RPS6KC1: variants seen among roughly 807,000 people sequenced by gnomAD.
RPS6KC1 encodes the protein ribosomal protein S6 kinase C1.
RPS6KC1 carries 54 observed loss-of-function variants against 103.8 expected under a neutral mutation model. The ratio of observed to expected loss-of-function variants is 0.52; its 90% CI spans 0.42 to 0.65. The LOEUF (loss-of-function observed/expected upper bound fraction) is 0.65. Among genes scored for constraint, RPS6KC1 ranks in the 30% least tolerant of loss-of-function variants. The probability of loss-of-function intolerance (pLI) is 0.00; values close to 1 mark genes in which losing one functional copy is unlikely to be tolerated. For missense variants in RPS6KC1, 1,151 were observed against 1,253.8 expected (o/e 0.92, Z 1.24); for synonymous variants, 439 against 438.7 (o/e 1.00, Z -0.01).
intron 6 of RPS6KC1, among the ~76,000 whole-genome samples, chr1:213,151,999 T>C (rs1296522273): frequency 9.4e-4 from 76 of 80,638 alleles, no homozygotes; most frequent in African/African-American, 1.6e-3. Context: ...CCAGTAGGGG[T>C]GGCCGGGCAG....
At chr1:213,638,646 T>C in the RPS6KC1 span, among the ~76,000 whole-genome samples, 1 of 152,168 alleles carries the variant, frequency 6.6e-6, no homozygotes, top group Non-Finnish European at 1.5e-5. Flanking sequence ...TTTTGCACTT[T>C]TGTCACATAT....
chr1:213,130,391 T>C (rs555408242), intron 6 of RPS6KC1, among the ~76,000 whole-genome samples: 3 of 152,346 alleles, frequency 2.0e-5, no homozygotes, highest in African/African-American at 7.2e-5. Flanking sequence ...TGACTGTAAC[T>C]GAATGTCTGT....
the RPS6KC1 span, among the ~76,000 whole-genome samples, chr1:213,660,205 A>G: frequency 2.3e-4 from 35 of 152,220 alleles, no homozygotes; most frequent in Non-Finnish European, 4.8e-4. Flanking sequence ...GGACATGTTT[A>G]GATAATTCTT....
chr1:213,110,041 T>G (rs747498897), intron 4 of RPS6KC1, among the ~76,000 whole-genome samples: 1 of 152,212 alleles, frequency 6.6e-6, no homozygotes, highest in Non-Finnish European at 1.5e-5. Flanking sequence ...ATGGCTGTTA[T>G]GAAAAATGCT....
the RPS6KC1 span, among the ~76,000 whole-genome samples, chr1:213,719,215 C>T: frequency 2.6e-5 from 4 of 152,200 alleles, no homozygotes; most frequent in East Asian, 1.9e-4. Context: ...TTCAATTCAA[C>T]AATGAAACGT....
the RPS6KC1 span, among the ~76,000 whole-genome samples, chr1:213,293,182 A>T: frequency 0.017 from 2,517 of 152,272 alleles, 30 homozygotes; most frequent in Non-Finnish European, 0.025. Flanking sequence ...TTTCTTCTGA[A>T]TTTCTGTGTT....
the RPS6KC1 span, among the ~76,000 whole-genome samples, chr1:213,692,382 C>G: frequency 1.6e-4 from 18 of 111,140 alleles, no homozygotes; most frequent in Middle Eastern, 4.5e-3. Context: ...GAGTGAGACT[C>G]TGTCTCAAAA....
chr1:213,145,248 G>C (rs570357108), intron 6 of RPS6KC1, among the ~76,000 whole-genome samples: 1 of 152,258 alleles, frequency 6.6e-6, no homozygotes, highest in African/African-American at 2.4e-5. Context: ...GTCCCAGATT[G>C]CTGTCTTGAA....
At chr1:213,382,479 G>A in the RPS6KC1 span, among the ~76,000 whole-genome samples, 3 of 150,120 alleles carry the variant, frequency 2.0e-5, no homozygotes, top group Non-Finnish European at 3.0e-5. Context: ...GCTCATGAAA[G>A]TAATATTTCT....
At chr1:213,440,472 T>A in the RPS6KC1 span, among the ~76,000 whole-genome samples, 1 of 151,754 alleles carries the variant, frequency 6.6e-6, no homozygotes, top group African/African-American at 2.4e-5. Context: ...TGCAAAATGT[T>A]AATATAAACA....
chr1:213,618,152 GT>G, the RPS6KC1 span, among the ~76,000 whole-genome samples: 1 of 151,978 alleles, frequency 6.6e-6, no homozygotes, highest in African/African-American at 2.4e-5. Context: ...CTTCCAAAAG[GT>G]GTTTCTTTAT....
intron 12 of RPS6KC1, among the ~76,000 whole-genome samples, chr1:213,255,500 T>C (rs1391867063): frequency 6.6e-6 from 1 of 152,192 alleles, no homozygotes; most frequent in Non-Finnish European, 1.5e-5. Flanking sequence ...TAGGTACATA[T>C]ACCTGATGTT....
chr1:213,083,540 G>C (rs979773381), intron 3 of RPS6KC1, among the ~76,000 whole-genome samples: 2 of 152,212 alleles, frequency 1.3e-5, no homozygotes, highest in Non-Finnish European at 2.9e-5. Flanking sequence ...TACTTAAGGA[G>C]CTACACTTAG....
At chr1:213,152,086 G>A (rs1268215728) in intron 6 of RPS6KC1, among the ~76,000 whole-genome samples, 15 of 142,462 alleles carry the variant, frequency 1.1e-4, no homozygotes, top group African/African-American at 2.1e-4. Context: ...CGGACGGGGC[G>A]GCTGGCTGGG....
the RPS6KC1 span, among the ~76,000 whole-genome samples, chr1:213,456,197 T>TCTTGTTGGGCTGCTGC: frequency 1.3e-5 from 2 of 152,202 alleles, no homozygotes; most frequent in African/African-American, 4.8e-5. Context: ...CAGCATGTCT[T>TCTTGTTGGGCTGCTGC]CTTGTTGGGC....
intron 14 of RPS6KC1, among the ~76,000 whole-genome samples, chr1:213,266,083 CT>C (rs1027020442): frequency 7.9e-5 from 12 of 152,198 alleles, no homozygotes; most frequent in Admixed American, 6.5e-4. Context: ...TCGTGTATAT[CT>C]TTGTTATTAT....
chr1:213,711,564 T>A, the RPS6KC1 span, among the ~76,000 whole-genome samples: 121 of 152,040 alleles, frequency 8.0e-4, no homozygotes, highest in African/African-American at 2.9e-3. Context: ...TGGCAAGGAG[T>A]TGTGATCCTT....
In RPS6KC1 at chr1:213,094,839, A is replaced by G. The variant is rs563594134; in HGVS notation, c.263-9615A>G. 7.2e-5 allele frequency among the ~76,000 whole-genome samples: 11 copies of G among 152,356 alleles called. No individual in the cohort carries two copies. The East Asian group carries it at 9.6e-4, about 13-fold the overall frequency. ...TAGTCATGTCTGAACACAGACAAAA[A>G]CATAAACATTGTTCAAGTCACAAAA... is the stretch of plus-strand genomic sequence containing the variant. On this transcript the variant is annotated intron_variant, in intron 3 of 14. Coordinates refer to ENST00000366960, the MANE Select transcript of RPS6KC1 (RefSeq NM_012424.6).
intron 6 of RPS6KC1, 104 bp downstream of exon 6, chr1:213,129,993 GA>G (rs2085420991): frequency 8.8e-7 from 1 of 1,130,020 alleles, no homozygotes; most frequent in Non-Finnish European, 1.2e-6. Flanking sequence ...AAATAATACT[GA>G]AAATGAGAAA....
Sources: allele counts gnomAD v4.1 joint callset (sites outside exome capture counted in the v4.1 genomes callset), GRCh38; gene constraint gnomAD v4.1.1; transcripts MANE v1.5; gene names NCBI Gene and HGNC (gene_info 2026-07-23, HGNC 2026-07-21).